RUNX1: variants seen among roughly 807,000 people sequenced by gnomAD.
RUNX1 encodes runt-related transcription factor 1.
Under a neutral mutation model 42.8 loss-of-function variants are expected in RUNX1, and 19 were observed. That is an observed-to-expected ratio of 0.44 (90% CI 0.31 to 0.65). The LOEUF (loss-of-function observed/expected upper bound fraction) is 0.65. Among genes scored for constraint, RUNX1 ranks in the 30% least tolerant of loss-of-function variants. The pLI, the probability that RUNX1 is intolerant of heterozygous loss-of-function variation, is 0.07. For synonymous variants in RUNX1, 271 were observed against 289.4 expected (o/e 0.94, Z 0.64); for missense variants, 528 against 672.0 (o/e 0.79, Z 2.37).
chr21:34,797,066 C>G (rs1423515467), intron 8 of RUNX1, among the ~76,000 whole-genome samples: 2 of 152,228 alleles, frequency 1.3e-5, no homozygotes, highest in African/African-American at 2.4e-5. Context: ...TTCCACCCCC[C>G]TCCTGCCTCC....
At chr21:34,963,822 C>T (rs1411658397) in intron 2 of RUNX1, among the ~76,000 whole-genome samples, 2 of 152,158 alleles carry the variant, frequency 1.3e-5, no homozygotes, top group East Asian at 3.9e-4. Context: ...CAGATTCCTC[C>T]AGAAGGGAGG....
At chr21:35,018,672 A>C (rs76095229) in intron 2 of RUNX1, among the ~76,000 whole-genome samples, 4 of 152,294 alleles carry the variant, frequency 2.6e-5, no homozygotes, top group African/African-American at 9.6e-5. Context: ...GCCCCTCAGG[A>C]ACACAGCTTG....
chr21:34,868,541 C>T (rs1348664695), intron 5 of RUNX1, among the ~76,000 whole-genome samples: 2 of 152,190 alleles, frequency 1.3e-5, no homozygotes, highest in African/African-American at 4.8e-5. Context: ...GCTCCTTCCT[C>T]ACTCTGCTTT....
intron 8 of RUNX1, 46 bp downstream of exon 8, chr21:34,799,255 T>C (rs2145906401): frequency 2.5e-6 from 4 of 1,609,120 alleles, no homozygotes; most frequent in Non-Finnish European, 3.4e-6. Context: ...CTCCTGGACC[T>C]TCCACCCCAG....
intron 6 of RUNX1, among the ~76,000 whole-genome samples, chr21:34,842,551 T>C (rs538217976): frequency 3.0e-4 from 43 of 144,972 alleles, no homozygotes; most frequent in African/African-American, 1.0e-3. Context: ...ATTTTCATAG[T>C]GAAAAATCAA....
At chr21:34,932,763 T>C (rs1569111847) in intron 2 of RUNX1, among the ~76,000 whole-genome samples, 4 of 152,204 alleles carry the variant, frequency 2.6e-5, no homozygotes, top group East Asian at 3.8e-4. Context: ...TACTAAGTGA[T>C]ACATTCTAGA....
intron 7 of RUNX1, chr21:34,829,944 C>G (rs2057040129): frequency 6.6e-6 from 1 of 152,200 alleles, no homozygotes; most frequent in Non-Finnish European, 1.5e-5. Context: ...AAGAGAGAAT[C>G]AGACGGACTT....
Position 34,930,719 on chromosome 21 carries a change from T to TCACA in RUNX1, c.59-37760_59-37757dup, listed in dbSNP as rs67114485. On this transcript the variant is annotated intron_variant, in intron 2 of 8. Transcript: ENST00000675419. The stretch of plus-strand genomic sequence containing the variant: ...CACACACACACTCTCTCTCTCTCTC[T>TCACA]CACACACACACACACACACACACAC... Among the ~76,000 whole-genome samples, 83 of 140,594 alleles carry TCACA rather than the reference T, an allele frequency of 5.9e-4. 1 individual carries two copies. Among genetic ancestry groups the TCACA allele is most frequent in the Admixed American group, 3.7e-3 (52 of 14,006 alleles). 92.2% of individuals were successfully genotyped at this position (140,594 alleles called of 152,430 possible).
At chr21:34,896,922 G>A (rs2058135548) in intron 2 of RUNX1, among the ~76,000 whole-genome samples, 1 of 152,202 alleles carries the variant, frequency 6.6e-6, no homozygotes, top group African/African-American at 2.4e-5. Context: ...AAATTTGTTG[G>A]AGGAGGGAGG....
intron 2 of RUNX1, among the ~76,000 whole-genome samples, chr21:35,006,008 G>A (rs912700637): frequency 6.6e-6 from 1 of 152,188 alleles, no homozygotes; most frequent in Admixed American, 6.5e-5. Context: ...CATCTCTCCA[G>A]GGTCTCTGAC....
intron 2 of RUNX1, among the ~76,000 whole-genome samples, chr21:34,957,446 C>T (rs2253025): frequency 0.047 from 7,185 of 152,180 alleles, 548 homozygotes; most frequent in African/African-American, 0.16. Context: ...CTTGAGCTAA[C>T]GAGGTGGCCC....
chr21:35,008,955 G>A (rs1412537563), intron 2 of RUNX1, among the ~76,000 whole-genome samples: 1 of 152,174 alleles, frequency 6.6e-6, no homozygotes, highest in African/African-American at 2.4e-5. Context: ...AACAAAAAAC[G>A]GAGCCCACCG....
At chr21:34,821,709 T>C in intron 7 of RUNX1, 3 of 1,561,904 alleles carry the variant, frequency 1.9e-6, no homozygotes, top group South Asian at 1.2e-5. Flanking sequence ...GAGGGAGCCA[T>C]GTGTGACCAG....
chr21:34,974,433 C>T (rs935008209), intron 2 of RUNX1, among the ~76,000 whole-genome samples: 2 of 151,394 alleles, frequency 1.3e-5, no homozygotes, highest in African/African-American at 4.9e-5. Flanking sequence ...GTGGTTTTTA[C>T]TCAAAACCAG....
chr21:34,976,502 C>G lies in RUNX1; in HGVS notation c.58+72340G>C, dbSNP rs548887105. Among the ~76,000 whole-genome samples the G allele has an allele frequency of 1.8e-3, 267 of 152,308 alleles. No individual in the cohort carries two copies. The Middle Eastern group carries it at 0.037, about 21-fold the overall frequency. The stretch of plus-strand genomic sequence containing the variant: ...ATCCCTGAATACTAATTTTCATCCC[C>G]CTGGGTGCAATATTGCTCCCATTGG... On this transcript the variant is annotated intron_variant, in intron 2 of 8. Coordinates refer to ENST00000675419, the MANE Select transcript of RUNX1 (RefSeq NM_001754.5).
intron 2 of RUNX1, among the ~76,000 whole-genome samples, chr21:34,979,117 T>G (rs2058826852): frequency 6.6e-6 from 1 of 152,196 alleles, no homozygotes; most frequent in African/African-American, 2.4e-5. Flanking sequence ...CAAGCACAGC[T>G]GACTGGGAAC....
At chr21:35,018,021 T>TTTTG (rs559786429) in intron 2 of RUNX1, among the ~76,000 whole-genome samples, 3 of 151,996 alleles carry the variant, frequency 2.0e-5, no homozygotes, top group Non-Finnish European at 4.4e-5. Flanking sequence ...TATTTCCTGT[T>TTTTG]TTTGTTTGTT....
chr21:35,045,927 T>C (rs1367470943), intron 2 of RUNX1, among the ~76,000 whole-genome samples: 2 of 152,146 alleles, frequency 1.3e-5, no homozygotes, highest in African/African-American at 4.8e-5. Context: ...CGCAGAGGCA[T>C]GTGAGTGTTC....
chr21:34,943,997 A>G (rs2058546864), intron 2 of RUNX1, among the ~76,000 whole-genome samples: 3 of 152,142 alleles, frequency 2.0e-5, no homozygotes, highest in African/African-American at 7.2e-5. Flanking sequence ...TGTGCTTACT[A>G]TAGCCCTCAA....
Sources: allele counts gnomAD v4.1 joint callset (sites outside exome capture counted in the v4.1 genomes callset), GRCh38; gene constraint gnomAD v4.1.1; transcripts MANE v1.5; gene names NCBI Gene and HGNC (gene_info 2026-07-23, HGNC 2026-07-21).